The following TMEM132D variants were observed in gnomAD, a reference collection of about 807,000 sequenced individuals.
TMEM132D encodes the protein mature OL transmembrane protein.
In TMEM132D, 21 loss-of-function variants were observed where a neutral mutation model predicts 62.3. The ratio of observed to expected loss-of-function variants is 0.34; its 90% CI spans 0.24 to 0.49. The LOEUF is 0.49. TMEM132D is among the 20% of genes least tolerant of loss of function. The pLI, the probability that TMEM132D is intolerant of heterozygous loss-of-function variation, is 0.99. For synonymous variants in TMEM132D, 621 were observed against 575.6 expected (o/e 1.08, Z -1.13); for missense variants, 1,346 against 1,402.8 (o/e 0.96, Z 0.65).
intron 2 of TMEM132D, among the ~76,000 whole-genome samples, chr12:129,606,512 C>T (rs936602761): frequency 5.3e-5 from 8 of 152,078 alleles, no homozygotes; most frequent in South Asian, 2.1e-4. Context: ...AACGTAGCAA[C>T]GATAAGGCTC....
At chr12:129,317,681 G>A (rs1044340627) in intron 4 of TMEM132D, among the ~76,000 whole-genome samples, 11 of 152,150 alleles carry the variant, frequency 7.2e-5, no homozygotes, top group African/African-American at 1.4e-4. Context: ...GTATTGGAAC[G>A]TCTAGCTCTC....
At chr12:129,120,723 T>C (rs562445333) in intron 5 of TMEM132D, among the ~76,000 whole-genome samples, 2 of 152,190 alleles carry the variant, frequency 1.3e-5, no homozygotes, top group African/African-American at 2.4e-5. Flanking sequence ...AACAATTGCA[T>C]GATTGTTACA....
At chr12:129,674,565 G>A (rs12311450) in intron 2 of TMEM132D, among the ~76,000 whole-genome samples, 7,414 of 152,126 alleles carry the variant, frequency 0.049, 615 homozygotes, top group African/African-American at 0.17. Flanking sequence ...TTGAGACAGA[G>A]TCTCAAAACA....
chr12:129,358,064 C>T (rs1051251755), intron 3 of TMEM132D, among the ~76,000 whole-genome samples: 11 of 152,114 alleles, frequency 7.2e-5, no homozygotes, highest in Non-Finnish European at 1.2e-4. Context: ...TTTTAATGTA[C>T]GTACTTTATA....
At chr12:129,885,160 AG>A (rs1361777334) in intron 1 of TMEM132D, among the ~76,000 whole-genome samples, 3 of 152,204 alleles carry the variant, frequency 2.0e-5, no homozygotes, top group Non-Finnish European at 4.4e-5. Flanking sequence ...GAAACTTTTG[AG>A]GGTTACAGAA....
At chr12:129,256,884 C>A (rs1880414819) in intron 4 of TMEM132D, among the ~76,000 whole-genome samples, 1 of 151,834 alleles carries the variant, frequency 6.6e-6, no homozygotes, top group Non-Finnish European at 1.5e-5. Flanking sequence ...TAATTCTCAA[C>A]AGGAATTTTA....
At chr12:129,631,711 CAA>C (rs1249714878) in intron 2 of TMEM132D, among the ~76,000 whole-genome samples, 1 of 152,150 alleles carries the variant, frequency 6.6e-6, no homozygotes, top group East Asian at 1.9e-4. Context: ...AGTGATTCTG[CAA>C]AGTCTTGTCT....
chr12:129,144,686 C>CATCTATCTATCTATCTATCTATCT lies in TMEM132D; in HGVS notation c.1444-59985_1444-59984insAGATAGATAGATAGATAGATAGAT, dbSNP rs57315485. Among the ~76,000 whole-genome samples, 386 of 151,428 alleles carry CATCTATCTATCTATCTATCTATCT rather than the reference C, an allele frequency of 2.5e-3. 4 individuals are homozygous for CATCTATCTATCTATCTATCTATCT. Among genetic ancestry groups the CATCTATCTATCTATCTATCTATCT allele is most frequent in the African/African-American group, 7.3e-3 (301 of 41,172 alleles). On this transcript the variant is annotated intron_variant, in intron 5 of 8. Coordinates refer to ENST00000422113, the MANE Select transcript of TMEM132D (RefSeq NM_133448.3). ...TGACCTATCTATTGAGCTTATCTAT[C>CATCTATCTATCTATCTATCTATCT]ATCTATCTATCTATCTATCTAGCGA...
At chr12:129,817,960 T>C (rs1321666015) in intron 1 of TMEM132D, among the ~76,000 whole-genome samples, 1 of 147,312 alleles carries the variant, frequency 6.8e-6, no homozygotes, top group African/African-American at 2.5e-5. Flanking sequence ...GTGTGAGGTG[T>C]ATGTGTGTAT....
At chr12:129,708,053 C>T (rs1881547542) in intron 1 of TMEM132D, among the ~76,000 whole-genome samples, 2 of 151,970 alleles carry the variant, frequency 1.3e-5, no homozygotes, top group East Asian at 3.9e-4. Flanking sequence ...CCTGTCTCTA[C>T]TAAAAACACA....
At chr12:129,325,278 C>A (rs1241964822) in intron 4 of TMEM132D, among the ~76,000 whole-genome samples, 4 of 152,060 alleles carry the variant, frequency 2.6e-5, no homozygotes, top group Non-Finnish European at 5.9e-5. Flanking sequence ...TTGTTAGGTG[C>A]AAAGAAATAC....
At chr12:129,795,922 G>T (rs1871549149) in intron 1 of TMEM132D, among the ~76,000 whole-genome samples, 1 of 152,050 alleles carries the variant, frequency 6.6e-6, no homozygotes, top group Non-Finnish European at 1.5e-5. Flanking sequence ...ATCATTTTTA[G>T]ATTTCAGTGC....
chr12:129,289,556 A>AAAAAAAAAG (rs1012154049), intron 4 of TMEM132D, among the ~76,000 whole-genome samples: 385 of 148,612 alleles, frequency 2.6e-3, no homozygotes, highest in African/African-American at 9.0e-3. Context: ...ATAAAAAAAA[A>AAAAAAAAAG]AAAAAAAAGA....
intron 1 of TMEM132D, among the ~76,000 whole-genome samples, chr12:129,888,664 A>G (rs1874823848): frequency 6.6e-6 from 1 of 152,180 alleles, no homozygotes; most frequent in South Asian, 2.1e-4. Context: ...AGATCACGCC[A>G]TTGCACTGCA....
At chr12:129,808,902 A>C (rs1303663698) in intron 1 of TMEM132D, among the ~76,000 whole-genome samples, 1 of 152,246 alleles carries the variant, frequency 6.6e-6, no homozygotes, top group African/African-American at 2.4e-5. Context: ...ACCACAAGAA[A>C]CATCAATAAA....
intron 1 of TMEM132D, among the ~76,000 whole-genome samples, chr12:129,791,602 G>C (rs1346267996): frequency 9.9e-5 from 15 of 151,894 alleles, no homozygotes; most frequent in Non-Finnish European, 1.2e-4. Flanking sequence ...ATTTAGATTC[G>C]CTTCGCCCTC....
intron 4 of TMEM132D, among the ~76,000 whole-genome samples, chr12:129,333,498 A>G (rs984727623): frequency 1.3e-5 from 2 of 152,178 alleles, no homozygotes; most frequent in African/African-American, 4.8e-5. Flanking sequence ...TAAAGCTAGG[A>G]TGCATCTTTT....
At chr12:129,858,521 G>A (rs1593189013) in intron 1 of TMEM132D, among the ~76,000 whole-genome samples, 1 of 36,710 alleles carries the variant, frequency 2.7e-5, no homozygotes, top group Admixed American at 2.7e-4. Flanking sequence ...GAGTCCAGGG[G>A]AACGGGATGG....
chr12:129,095,623 A>T (rs1875085567), intron 5 of TMEM132D, among the ~76,000 whole-genome samples: 1 of 152,122 alleles, frequency 6.6e-6, no homozygotes, highest in Admixed American at 6.5e-5. Context: ...AAGTGCTGGG[A>T]TTATAGGTGT....
Sources: allele counts gnomAD v4.1 joint callset (sites outside exome capture counted in the v4.1 genomes callset), GRCh38; gene constraint gnomAD v4.1.1; transcripts MANE v1.5; gene names NCBI Gene and HGNC (gene_info 2026-07-23, HGNC 2026-07-21).